The following NKTR variants were observed in gnomAD, a reference collection of about 807,000 sequenced individuals.
The protein encoded by NKTR is natural killer cell triggering receptor.
In NKTR, 67 loss-of-function variants were observed where a neutral mutation model predicts 156.3. That is an observed-to-expected ratio of 0.43 (90% CI 0.35 to 0.53). NKTR has a LOEUF of 0.53. NKTR is among the 20% of genes least tolerant of loss of function. NKTR has a pLI of 0.01. For synonymous variants in NKTR, 640 were observed against 596.6 expected, an observed-to-expected ratio of 1.07 and a Z score of -1.06; for missense variants, 1,604 against 1,730.9, an observed-to-expected ratio of 0.93 and a Z score of 1.30.
chr3:42,633,759 T>C, intron 10 of NKTR, 24 bp downstream of exon 10: 1 of 1,613,160 alleles, frequency 6.2e-7, no homozygotes, highest in Non-Finnish European at 8.5e-7. Flanking sequence ...CTAAACTATT[T>C]ATTTTTATTT....
rs748838735 is a variant in NKTR at position 42,638,749 on chromosome 3, C to G, written c.3045C>G (p.His1015Gln). ...HKAPKRKQAF[H>Q]WQPPLEFGEE... ...CTCCAAAACGAAAGCAAGCATTTCA[C>G]TGGCAGCCTCCACTAGAATTTGGTG... Residue 1015 changes from histidine (H) to glutamine (Q), a missense_variant, in exon 13 of 17, where the codon CAC becomes CAG. His to Gln is a conservative substitution (Grantham distance 24). This residue lies in a region of NKTR where 1,255 missense variants were observed against 1,243.7 expected (regional missense o/e 1.01). Coordinates refer to ENST00000232978, the MANE Select transcript of NKTR (RefSeq NM_005385.4). The G allele has an allele frequency of 3.7e-6, 6 of 1,613,904 alleles. No homozygotes were observed. In the East Asian group the frequency reaches 1.1e-4, roughly 30 times the overall value.
At chr3:42,635,010 C>A in intron 11 of NKTR, 1 of 444,714 alleles carries the variant, frequency 2.2e-6, no homozygotes, top group South Asian at 4.9e-5. Flanking sequence ...TCTTTTAATG[C>A]CTTGTTTGAA....
chr3:42,621,253 C>T, intron 5 of NKTR, 176 bp from the exon 6 acceptor site: 1 of 1,293,658 alleles, frequency 7.7e-7, no homozygotes, highest in Non-Finnish European at 9.8e-7. Context: ...TATCTTTTGG[C>T]CTTTTTATGC....
At chr3:42,601,155 T>C in intron 2 of NKTR, 91 bp downstream of exon 2, 1 of 1,122,080 alleles carries the variant, frequency 8.9e-7, no homozygotes, top group Non-Finnish European at 1.2e-6. Context: ...CCCGGCCTTT[T>C]TGGGAGCGGG....
intron 13 of NKTR, among the ~76,000 whole-genome samples, chr3:42,641,979 GTCTT>G (rs1015322953): frequency 2.5e-4 from 38 of 151,420 alleles, no homozygotes; most frequent in African/African-American, 7.7e-4. Context: ...TAATTTTGTT[GTCTT>G]TCTTTATAGC....
intron 16 of NKTR, among the ~76,000 whole-genome samples, chr3:42,644,759 T>G (rs971733178): frequency 1.3e-5 from 2 of 152,122 alleles, no homozygotes; most frequent in African/African-American, 4.8e-5. Flanking sequence ...CCATCTCCCC[T>G]TTTGCCACTT....
intron 6 of NKTR, chr3:42,629,377 A>G (rs1708691783): frequency 3.2e-6 from 3 of 945,688 alleles, no homozygotes; most frequent in South Asian, 9.8e-5. Context: ...ATTTTTTTAA[A>G]TTAAATTCTG....
chr3:42,604,297 T>C (rs1705952793), intron 2 of NKTR, among the ~76,000 whole-genome samples: 1 of 152,230 alleles, frequency 6.6e-6, no homozygotes, highest in Non-Finnish European at 1.5e-5. Flanking sequence ...ATTGTTCTCT[T>C]TCTTTCTAAT....
At position 42,631,375 on chromosome 3, in the gene NKTR, T is replaced by C. The variant is rs1374424662; in HGVS notation, c.550+59T>C. 4.4e-6 allele frequency: 7 copies of C among 1,580,454 alleles called. No homozygotes were observed. The African/African-American group carries it at 6.8e-5, about 15-fold the overall frequency. Reference sequence around the variant, plus strand: ...ATGCAGGTAAAGCATTGCTGAAGACTGTAACTAGATTTGATTAGTGGAACT... The same window carrying C: ...ATGCAGGTAAAGCATTGCTGAAGACCGTAACTAGATTTGATTAGTGGAACT... On this transcript the variant is annotated intron_variant, in intron 8 of 16. Coordinates refer to ENST00000232978, the MANE Select transcript of NKTR (RefSeq NM_005385.4).
At chr3:42,642,419 C>T (rs1479004444) in intron 13 of NKTR, 82 bp from the exon 14 acceptor site, 1 of 1,033,636 alleles carries the variant, frequency 9.7e-7, no homozygotes, top group Non-Finnish European at 1.5e-6. Context: ...TGTGTTTTCC[C>T]CTTTCTGCCC....
intron 8 of NKTR, 26 bp from the exon 9 acceptor site, chr3:42,632,575 A>G: frequency 6.9e-7 from 1 of 1,440,216 alleles, no homozygotes; most frequent in South Asian, 1.2e-5. Context: ...TTTAGTACTA[A>G]TGTTTTTATT....
Position 42,623,400 on chromosome 3 carries a change from G to A in NKTR, c.374+1884G>A, listed in dbSNP as rs564883492. ...CTTTGGAAAGGAGTAAGCAATCCTG[G>A]AAGTAATTGAGTATTTAATCCTCCT... is the stretch of plus-strand genomic sequence containing the variant. On this transcript the variant is annotated intron_variant, in intron 6 of 16. Coordinates refer to ENST00000232978, the MANE Select transcript of NKTR (RefSeq NM_005385.4). Among the ~76,000 whole-genome samples the A allele has an allele frequency of 4.6e-5, 7 of 152,144 alleles. No homozygotes were observed. In the South Asian group the frequency reaches 1.4e-3, roughly 31 times the overall value.
intron 6 of NKTR, among the ~76,000 whole-genome samples, chr3:42,625,308 C>G (rs1382200655): frequency 1.3e-5 from 2 of 152,032 alleles, no homozygotes; most frequent in Non-Finnish European, 2.9e-5. Context: ...TCACTGGCCA[C>G]TGTCAGTGGT....
At chr3:42,621,619 G>T (rs1707909308) in intron 6 of NKTR, 103 bp downstream of exon 6, 2 of 1,206,376 alleles carry the variant, frequency 1.7e-6, no homozygotes, top group Admixed American at 3.1e-5. Flanking sequence ...AATTCTGTCA[G>T]CTTTATTTTT....
chr3:42,637,927 A>G lies in NKTR; in HGVS notation c.2223A>G (p.Ser741=). 1.2e-6 allele frequency: 2 copies of G among 1,614,086 alleles called. No homozygotes were observed. The highest frequency in any genetic ancestry group is 1.1e-5 in the South Asian group (1 of 91,084). ...GTGATCATTCACAGTGTAGTAGATC[A>G]TCTTCATATACTTCTATTAGCAGTG... is the stretch of plus-strand genomic sequence containing the variant. ...KYSDHSQCSR[S]SSYTSISSDD... The change falls in exon 13 of 17, where the codon TCA becomes TCG. Residue 741 remains serine (S), a synonymous_variant. Coordinates refer to ENST00000232978, the MANE Select transcript of NKTR (RefSeq NM_005385.4).
intron 6 of NKTR, chr3:42,628,733 G>A: frequency 1.0e-6 from 1 of 973,306 alleles, no homozygotes; most frequent in South Asian, 4.8e-5. Flanking sequence ...TGGGTGTGGT[G>A]GCTCATGCCT....
intron 5 of NKTR, 54 bp from the exon 6 acceptor site, chr3:42,621,375 A>T (rs974560427): frequency 1.0e-5 from 16 of 1,573,674 alleles, no homozygotes; most frequent in African/African-American, 1.4e-5. Context: ...CTTGAACATT[A>T]CTTTAAAGTG....
At chr3:42,605,516 TAAC>T (rs1471215486) in intron 2 of NKTR, among the ~76,000 whole-genome samples, 1 of 152,266 alleles carries the variant, frequency 6.6e-6, no homozygotes, top group Non-Finnish European at 1.5e-5. Context: ...TCAAGCCGTT[TAAC>T]AACCTCTTTG....
chr3:42,603,239 G>A (rs1229294712), intron 2 of NKTR, among the ~76,000 whole-genome samples: 1 of 151,456 alleles, frequency 6.6e-6, no homozygotes, highest in Non-Finnish European at 1.5e-5. Context: ...GCATGGTGGT[G>A]CTCACCTGTA....
Sources: gnomAD v4.1 joint callset for allele counts (sites outside exome capture counted in the v4.1 genomes callset) on GRCh38, gnomAD v4.1.1 for gene constraint, gnomAD v4.1.1 regional missense constraint, MANE v1.5 for transcripts, NCBI Gene and HGNC (gene_info 2026-07-23, HGNC 2026-07-21) for gene names.